COL4A2: variants seen among roughly 807,000 people sequenced by gnomAD.
COL4A2 encodes the protein collagen alpha-2(IV) chain.
In COL4A2, 99 loss-of-function variants were observed where a neutral mutation model predicts 200.2. The observed-to-expected ratio is 0.49, with a 90% CI of 0.42 to 0.58. The LOEUF (loss-of-function observed/expected upper bound fraction) is 0.58. Ranked by LOEUF, COL4A2 falls within the 20% of genes least tolerant of loss-of-function variation. The pLI is 0.00. For missense variants in COL4A2, 1,950 were observed against 2,314.1 expected (o/e 0.84, Z 3.23); for synonymous variants, 897 against 900.6 (o/e 1.00, Z 0.07).
chr13:110,473,026 T>A lies in COL4A2; in HGVS notation c.2301T>A (p.Pro767=). 6.6e-7 allele frequency: 1 copy of A among 1,514,874 alleles called. No homozygotes were observed. Among genetic ancestry groups the A allele is most frequent in the Non-Finnish European group, 8.8e-7 (1 of 1,132,122 alleles). 93.8% of individuals were successfully genotyped at this position (1,514,874 alleles called of 1,614,324 possible). The stretch of plus-strand genomic sequence containing the variant: ...GCCTGCCAGGGCCAGATGGGCCCCC[T>A]GGGGAAAGGGGCCTCCCTGGAGAAG... ...PIGLPGPDGP[P]GERGLPGEVL... The change falls in exon 29 of 48, where the codon CCT becomes CCA. Residue 767 remains proline (P), a synonymous_variant. Coordinates refer to ENST00000360467, the MANE Select transcript of COL4A2 (RefSeq NM_001846.4).
At chr13:110,404,903 A>T (rs905792268) in intron 4 of COL4A2, among the ~76,000 whole-genome samples, 1 of 152,212 alleles carries the variant, frequency 6.6e-6, no homozygotes, top group Non-Finnish European at 1.5e-5. Context: ...AGGCTGAAGC[A>T]GGTGGATCAC....
chr13:110,503,479 C>CT lies in COL4A2; in HGVS notation c.4137dup (p.Gly1380TrpfsTer76). The stretch of plus-strand genomic sequence containing the variant: ...GGACCCAAGGGAGACCCAGGATTCC[C>CT]TGGTAAGTGACCGTCTGGTATCTTC... On this transcript the variant is annotated frameshift_variant and splice_region_variant, in exon 43 of 48. Coordinates refer to ENST00000360467, the MANE Select transcript of COL4A2 (RefSeq NM_001846.4). LOFTEE classifies it high-confidence loss of function. 6.5e-7 allele frequency: 1 copy of CT among 1,544,486 alleles called. No individual in the cohort carries two copies. Among genetic ancestry groups the CT allele is most frequent in the Non-Finnish European group, 8.8e-7 (1 of 1,138,784 alleles).
rs78796366 is a variant in COL4A2, at chr13:110,376,556, T to C, written c.180+19004T>C. ...ATATTAGTTTTGGAAACTTTACTTTTTTATAAAAATCATCGTTTTTACATT... is the reference window on the plus strand; with the variant it reads ...ATATTAGTTTTGGAAACTTTACTTTCTTATAAAAATCATCGTTTTTACATT... On this transcript the variant is annotated intron_variant, in intron 4 of 47. Coordinates refer to ENST00000360467, the MANE Select transcript of COL4A2 (RefSeq NM_001846.4). 8.1e-3 allele frequency among the ~76,000 whole-genome samples: 1,235 copies of C among 152,352 alleles called. 23 individuals are homozygous for C. The highest frequency in any genetic ancestry group is 0.027 in the African/African-American group (1,139 of 41,576).
In COL4A2 at chr13:110,307,296, A is replaced by G. The variant is rs7989823; in HGVS notation, c.-277A>G. On this transcript the variant is annotated 5_prime_UTR_variant, in exon 1 of 48. Transcript: ENST00000360467. This position sits in a 1 kb window ranked among gnomAD's most constrained non-coding sequence, Gnocchi z 5.0. ...GCGCGCGGCCCGGGAGTGTGGCTGC[A>G]GTGCGCCGGGACACCAGGGCTCCGC... 2.7e-6 allele frequency: 1 copy of G among 371,822 alleles called. No individual in the cohort carries two copies. Among genetic ancestry groups the G allele is most frequent in the Non-Finnish European group, 4.8e-6 (1 of 209,348 alleles). 23.0% of individuals were successfully genotyped at this position (371,822 alleles called of 1,614,324 possible).
At chr13:110,438,124 C>A in intron 14 of COL4A2, 87 bp downstream of exon 14, 1 of 1,055,022 alleles carries the variant, frequency 9.5e-7, no homozygotes, top group Non-Finnish European at 1.5e-6. Context: ...ACCATGCGCT[C>A]GGGGCCCGCA....
At chr13:110,331,893 A>G (rs999457965) in intron 3 of COL4A2, among the ~76,000 whole-genome samples, 4 of 152,128 alleles carry the variant, frequency 2.6e-5, no homozygotes, top group African/African-American at 4.8e-5. Flanking sequence ...TATCCTAAAT[A>G]CAGTCGCCCA....
chr13:110,481,862 G>A (rs1230243512), intron 31 of COL4A2, among the ~76,000 whole-genome samples: 1 of 72,284 alleles, frequency 1.4e-5, no homozygotes, highest in Non-Finnish European at 2.6e-5. Flanking sequence ...CTGTCCCTCC[G>A]TGCTGGAGAC....
chr13:110,501,107 G>C (rs1161826092), intron 40 of COL4A2, among the ~76,000 whole-genome samples: 3 of 152,146 alleles, frequency 2.0e-5, no homozygotes, highest in African/African-American at 7.2e-5. Context: ...GTGTTGATTT[G>C]GGGGGGATTC....
At chr13:110,509,270 T>TATATATAC (rs1435137108) in intron 47 of COL4A2, among the ~76,000 whole-genome samples, 6 of 115,578 alleles carry the variant, frequency 5.2e-5, no homozygotes, top group African/African-American at 1.7e-4. Context: ...TATATATATA[T>TATATATAC]ACACACACAC....
intron 27 of COL4A2, chr13:110,468,156 T>C (rs890443393): frequency 2.1e-6 from 1 of 471,098 alleles, no homozygotes; most frequent in Non-Finnish European, 4.4e-6. Context: ...CTATGTGCCC[T>C]GCACCTTAAG....
In COL4A2 at chr13:110,469,198, G is replaced by A; in HGVS notation, c.2096-19G>A. 1 of 1,568,402 alleles carries A rather than the reference G, an allele frequency of 6.4e-7. No individual in the cohort carries two copies. The highest frequency in any genetic ancestry group is 8.7e-7 in the Non-Finnish European group (1 of 1,155,306). ...CCTCGTGGAGCCTGATGTGGTTTGT[G>A]GTTTATTTGGTTATTTAGGTGCCAA... On this transcript the variant is annotated intron_variant, in intron 27 of 47. Coordinates refer to ENST00000360467, the MANE Select transcript of COL4A2 (RefSeq NM_001846.4).
chr13:110,391,622 C>T (rs766027775), intron 4 of COL4A2, among the ~76,000 whole-genome samples: 3 of 152,234 alleles, frequency 2.0e-5, no homozygotes, highest in African/African-American at 4.8e-5. Flanking sequence ...CTTACTAGCG[C>T]GATGCCCTTG....
At chr13:110,310,289 A>G (rs1884939465) in intron 3 of COL4A2, among the ~76,000 whole-genome samples, 1 of 152,228 alleles carries the variant, frequency 6.6e-6, no homozygotes, top group Non-Finnish European at 1.5e-5. Flanking sequence ...AGGCTTGTTA[A>G]GAAGTCAGGC....
At chr13:110,358,898 C>A (rs1440120009) in intron 4 of COL4A2, among the ~76,000 whole-genome samples, 1 of 152,120 alleles carries the variant, frequency 6.6e-6, no homozygotes, top group African/African-American at 2.4e-5. Context: ...TCATAAGCAT[C>A]TTTTCTTTCA....
chr13:110,321,698 T>C (rs1337964337), intron 3 of COL4A2, among the ~76,000 whole-genome samples: 2 of 152,238 alleles, frequency 1.3e-5, no homozygotes, highest in African/African-American at 4.8e-5. Context: ...AGAGGTTTAA[T>C]CAACTTACAT....
rs566569429 is a variant in COL4A2, at chr13:110,512,447, G to A, written c.*256G>A. ...CCCCATCAGCCCTGCTAGACGCACCGCCTGAAGGCACAGCTAACCACTTCG... is the reference window on the plus strand; with the variant it reads ...CCCCATCAGCCCTGCTAGACGCACCACCTGAAGGCACAGCTAACCACTTCG... On this transcript the variant is annotated 3_prime_UTR_variant, in exon 48 of 48. Coordinates refer to ENST00000360467, the MANE Select transcript of COL4A2 (RefSeq NM_001846.4). 122 of 579,554 alleles carry A rather than the reference G, an allele frequency of 2.1e-4. 1 individual carries two copies. The South Asian group carries it at 2.3e-3, about 11-fold the overall frequency. The allele number at this position is 579,554 out of a possible 1,614,324, so 35.9% of individuals were successfully genotyped here.
chr13:110,491,180 A>G, intron 36 of COL4A2, 53 bp from the exon 37 acceptor site: 11 of 1,309,828 alleles, frequency 8.4e-6, no homozygotes, highest in Non-Finnish European at 1.1e-5. Flanking sequence ...GTTCCAGGGA[A>G]CCCACAGGGG....
chr13:110,320,364 G>T (rs999722242), intron 3 of COL4A2, among the ~76,000 whole-genome samples: 31 of 152,192 alleles, frequency 2.0e-4, no homozygotes, highest in African/African-American at 6.0e-4. Context: ...CGATTTCTCT[G>T]CTCTCCAACA....
chr13:110,506,653 G>C, intron 46 of COL4A2, 47 bp downstream of exon 46: 5 of 1,522,428 alleles, frequency 3.3e-6, no homozygotes, highest in Non-Finnish European at 4.4e-6. Flanking sequence ...GGGCTGGCCC[G>C]GAAGTGGCCA....
Sources: allele counts gnomAD v4.1 joint callset (sites outside exome capture counted in the v4.1 genomes callset), GRCh38; gene constraint gnomAD v4.1.1; non-coding constraint Gnocchi (gnomAD v3.1); transcripts MANE v1.5; gene names NCBI Gene and HGNC (gene_info 2026-07-23, HGNC 2026-07-21).